The following UST variants were observed in gnomAD, a reference collection of about 807,000 sequenced individuals.
UST encodes uronyl 2-sulfotransferase.
A neutral mutation model predicts 45.6 loss-of-function variants in UST; 21 were observed. The observed-to-expected ratio is 0.46, with a 90% CI of 0.33 to 0.66. The LOEUF (loss-of-function observed/expected upper bound fraction) is 0.66. Ranked by LOEUF, UST falls within the 30% of genes least tolerant of loss-of-function variation. The pLI is 0.02. For synonymous variants in UST, 215 were observed against 200.6 expected (o/e 1.07, Z -0.61); for missense variants, 463 against 512.4 (o/e 0.90, Z 0.93).
At chr6:148,870,182 T>A (rs144941349) in intron 1 of UST, among the ~76,000 whole-genome samples, 1 of 150,550 alleles carries the variant, frequency 6.6e-6, no homozygotes, top group Non-Finnish European at 1.5e-5. Context: ...CCTTGCTGTG[T>A]ATACCACCCT....
At chr6:148,761,078 C>T (rs1377891343) in intron 1 of UST, among the ~76,000 whole-genome samples, 1 of 152,174 alleles carries the variant, frequency 6.6e-6, no homozygotes, top group Non-Finnish European at 1.5e-5. Context: ...AATGACTGCT[C>T]CTCCCACCGC....
At chr6:148,852,808 C>T (rs1227746253) in intron 1 of UST, among the ~76,000 whole-genome samples, 1 of 152,170 alleles carries the variant, frequency 6.6e-6, no homozygotes, top group Non-Finnish European at 1.5e-5. Flanking sequence ...TAGCTGCCCA[C>T]TGCTTTCCTA....
At chr6:148,821,509 G>C (rs1379316845) in intron 1 of UST, among the ~76,000 whole-genome samples, 1 of 152,208 alleles carries the variant, frequency 6.6e-6, no homozygotes, top group East Asian at 1.9e-4. Context: ...CATCTGCCAA[G>C]TTTCTACATG....
At chr6:148,854,352 A>G (rs971075483) in intron 1 of UST, among the ~76,000 whole-genome samples, 2 of 152,216 alleles carry the variant, frequency 1.3e-5, no homozygotes, top group East Asian at 1.9e-4. Context: ...AATCTATTTC[A>G]AGATGATAAA....
chr6:149,059,066 G>A (rs1264518076), intron 7 of UST, among the ~76,000 whole-genome samples: 3 of 152,158 alleles, frequency 2.0e-5, no homozygotes, highest in Non-Finnish European at 2.9e-5. Context: ...CCCTTCATTC[G>A]GTAAATACAG....
At chr6:148,944,378 A>C (rs1003772343) in intron 3 of UST, among the ~76,000 whole-genome samples, 11 of 152,152 alleles carry the variant, frequency 7.2e-5, no homozygotes, top group Middle Eastern at 3.2e-3. Flanking sequence ...CTGACTTACA[A>C]ATGAACTTTG....
chr6:148,813,970 T>G (rs957916775), intron 1 of UST, among the ~76,000 whole-genome samples: 3 of 152,350 alleles, frequency 2.0e-5, no homozygotes, highest in South Asian at 2.1e-4. Context: ...TATAACTGTT[T>G]CATTTTCATG....
At chr6:148,753,938 G>A (rs964012790) in intron 1 of UST, among the ~76,000 whole-genome samples, 1 of 151,274 alleles carries the variant, frequency 6.6e-6, no homozygotes, top group Non-Finnish European at 1.5e-5. Flanking sequence ...ATCTTTTCAT[G>A]TGCTTGTTGA....
At chr6:148,832,840 T>C (rs6908977) in intron 1 of UST, among the ~76,000 whole-genome samples, 1,786 of 152,338 alleles carry the variant, frequency 0.012, 28 homozygotes, top group African/African-American at 0.041. Context: ...TGAAGTATTA[T>C]ATTCTTTGAT....
intron 1 of UST, among the ~76,000 whole-genome samples, chr6:148,768,682 T>C (rs1776364491): frequency 6.6e-6 from 1 of 152,256 alleles, no homozygotes; most frequent in Admixed American, 6.5e-5. Context: ...AGTCGTCATT[T>C]TGAATGATAT....
chr6:149,064,301 A>G (rs1383167656), intron 7 of UST, among the ~76,000 whole-genome samples: 1 of 152,202 alleles, frequency 6.6e-6, no homozygotes, highest in African/African-American at 2.4e-5. Flanking sequence ...TTCGGGCTTC[A>G]CCACTTACCA....
rs1260872222 is a variant in UST, at chr6:148,752,548, C to G, written c.247+4871C>G. ...GCATGAATGGTGAAAAGCAATCTGC[C>G]TTGTAAACTATTTTTTAATGTAGAC... On this transcript the variant is annotated intron_variant, in intron 1 of 7. Coordinates refer to ENST00000367463, the MANE Select transcript of UST (RefSeq NM_005715.3). Among the ~76,000 whole-genome samples, 3 of 152,182 alleles carry G rather than the reference C, an allele frequency of 2.0e-5. No individual in the cohort carries two copies. In the East Asian group the frequency reaches 5.8e-4, roughly 29 times the overall value.
At chr6:149,031,071 G>A (rs1356960638) in intron 7 of UST, among the ~76,000 whole-genome samples, 1 of 152,056 alleles carries the variant, frequency 6.6e-6, no homozygotes, top group African/African-American at 2.4e-5. Flanking sequence ...GCCAGGCATG[G>A]CAACACATGC....
At chr6:148,813,385 ATT>A (rs61560066) in intron 1 of UST, among the ~76,000 whole-genome samples, 3 of 146,876 alleles carry the variant, frequency 2.0e-5, no homozygotes, top group African/African-American at 2.5e-5. Flanking sequence ...TAACAGAATA[ATT>A]TTTTTTTTTT....
intron 1 of UST, among the ~76,000 whole-genome samples, chr6:148,769,958 T>C (rs1776391365): frequency 2.6e-5 from 4 of 152,262 alleles, no homozygotes; most frequent in Admixed American, 2.6e-4. Context: ...TCCTGTTCTT[T>C]CAAAGGACTA....
chr6:148,774,270 TTATATA>T (rs10568450), intron 1 of UST, among the ~76,000 whole-genome samples: 1 of 127,844 alleles, frequency 7.8e-6, no homozygotes, highest in Non-Finnish European at 1.7e-5. Context: ...CAAGGTTATT[TTATATA>T]TATATATATA....
At chr6:148,914,693 C>T (rs529000699) in intron 2 of UST, among the ~76,000 whole-genome samples, 7 of 152,266 alleles carry the variant, frequency 4.6e-5, no homozygotes, top group Admixed American at 6.5e-5. Flanking sequence ...AATGCTCACT[C>T]GCCCGCCCAC....
intron 2 of UST, among the ~76,000 whole-genome samples, chr6:148,925,664 C>T (rs1414814068): frequency 2.6e-5 from 4 of 152,182 alleles, no homozygotes; most frequent in African/African-American, 7.2e-5. Flanking sequence ...AATAAAATTG[C>T]ATTTCTGCAC....
chr6:148,920,104 C>T (rs1434770330), intron 2 of UST, among the ~76,000 whole-genome samples: 3 of 151,542 alleles, frequency 2.0e-5, no homozygotes, highest in Non-Finnish European at 4.4e-5. Context: ...CTCAGCTTTG[C>T]GTTCACTGGA....
Sources: gnomAD v4.1 joint callset for allele counts (sites outside exome capture counted in the v4.1 genomes callset) on GRCh38, gnomAD v4.1.1 for gene constraint, MANE v1.5 for transcripts, NCBI Gene and HGNC (gene_info 2026-07-23, HGNC 2026-07-21) for gene names.